The following DST variants were observed in gnomAD, a reference collection of about 807,000 sequenced individuals.
DST encodes bullous pemphigoid antigen.
In DST, 253 loss-of-function variants were observed where a neutral mutation model predicts 875.2. That is an observed-to-expected ratio of 0.29 (90% CI 0.26 to 0.32). The LOEUF is 0.32. Ranked by LOEUF, DST falls within the 10% of genes least tolerant of loss-of-function variation. The pLI, the probability that DST is intolerant of heterozygous loss-of-function variation, is 1.00. For missense variants in DST, 8,287 were observed against 9,111.6 expected (o/e 0.91, Z 3.68); for synonymous variants, 3,124 against 3,197.1 (o/e 0.98, Z 0.77).
At chr6:56,922,963 C>T (rs1448906683) in intron 2 of DST, among the ~76,000 whole-genome samples, 1 of 151,954 alleles carries the variant, frequency 6.6e-6, no homozygotes, top group South Asian at 2.1e-4. Flanking sequence ...ATGTAAAGAT[C>T]CTAGCACAAT....
chr6:56,657,810 C>A (rs2099017621), intron 10 of DST, among the ~76,000 whole-genome samples: 2 of 152,080 alleles, frequency 1.3e-5, no homozygotes, highest in Admixed American at 6.5e-5. Flanking sequence ...CTGTCATCCA[C>A]CCTGGAGTGC....
chr6:56,564,795 T>C (rs1469233823), intron 55 of DST, among the ~76,000 whole-genome samples: 1 of 152,244 alleles, frequency 6.6e-6, no homozygotes, highest in Non-Finnish European at 1.5e-5. Context: ...TTGAATGTTA[T>C]CGAAGGCCTT....
chr6:56,780,497 T>C (rs2099690948), intron 4 of DST, among the ~76,000 whole-genome samples: 1 of 151,426 alleles, frequency 6.6e-6, no homozygotes, highest in South Asian at 2.1e-4. Flanking sequence ...CATTTTTTCA[T>C]GTGTCTTTTG....
intron 5 of DST, among the ~76,000 whole-genome samples, chr6:56,723,370 G>A (rs2152916027): frequency 6.6e-6 from 1 of 152,276 alleles, no homozygotes; most frequent in Non-Finnish European, 1.5e-5. Flanking sequence ...TTCGAGACCA[G>A]CCTGAACAAC....
At chr6:56,835,147 TAG>T (rs1343154426) in intron 4 of DST, among the ~76,000 whole-genome samples, 1 of 152,106 alleles carries the variant, frequency 6.6e-6, no homozygotes, top group Non-Finnish European at 1.5e-5. Context: ...ACATAAAATA[TAG>T]AGAGAGCAAA....
At chr6:56,627,455 A>G (rs945768294) in intron 33 of DST, among the ~76,000 whole-genome samples, 168 bp from the exon 34 acceptor site, 5 of 152,200 alleles carry the variant, frequency 3.3e-5, no homozygotes, top group Non-Finnish European at 5.9e-5. Flanking sequence ...CTTTCAGATT[A>G]AGCCACAGAA....
intron 2 of DST, among the ~76,000 whole-genome samples, chr6:56,951,769 G>T (rs367913194): frequency 2.6e-5 from 4 of 152,022 alleles, no homozygotes; most frequent in Admixed American, 6.5e-5. Flanking sequence ...AATTCAAACC[G>T]AATCCATTTT....
rs1354429544 is a variant in DST, at chr6:56,803,419, T to C, written c.625+47978A>G. Among the ~76,000 whole-genome samples the C allele has an allele frequency of 2.6e-5, 4 of 152,168 alleles. No homozygotes were observed. In the East Asian group the frequency reaches 7.7e-4, roughly 29 times the overall value. On this transcript the variant is annotated intron_variant, in intron 4 of 103. Coordinates refer to ENST00000680361, the MANE Select transcript of DST (RefSeq NM_001374736.1). ...TTAAATACACCTTCAGTTTCTTAAA[T>C]GTTAAGGAGACTGCAAAATATGAAA...
intron 36 of DST, chr6:56,624,279 A>G (rs937424125): frequency 1.6e-6 from 1 of 614,486 alleles, no homozygotes; most frequent in Non-Finnish European, 2.9e-6. Context: ...CCACCATATT[A>G]GAGTCCTGAA....
chr6:56,770,105 T>G (rs941220982), intron 4 of DST, among the ~76,000 whole-genome samples: 5 of 152,208 alleles, frequency 3.3e-5, no homozygotes, highest in African/African-American at 1.2e-4. Flanking sequence ...AGAGCATCCA[T>G]TCTGGTGTTA....
At chr6:56,923,952 T>C (rs1805627592) in intron 2 of DST, among the ~76,000 whole-genome samples, 2 of 152,124 alleles carry the variant, frequency 1.3e-5, no homozygotes, top group African/African-American at 4.8e-5. Flanking sequence ...GGCAAAATCC[T>C]ATCTCTACTA....
At chr6:56,637,111 A>AC (rs749635526) in intron 22 of DST, among the ~76,000 whole-genome samples, 10 of 151,884 alleles carry the variant, frequency 6.6e-5, no homozygotes, top group Non-Finnish European at 1.0e-4. Context: ...AAACAAACAA[A>AC]AAAAAAACAA....
intron 102 of DST, among the ~76,000 whole-genome samples, chr6:56,462,369 C>T (rs1181910375): frequency 1.3e-5 from 2 of 151,672 alleles, no homozygotes; most frequent in East Asian, 1.9e-4. Flanking sequence ...TATATCATGC[C>T]GTATTAAAAA....
At chr6:56,677,208 G>A (rs1293504715) in intron 9 of DST, among the ~76,000 whole-genome samples, 2 of 152,114 alleles carry the variant, frequency 1.3e-5, no homozygotes, top group African/African-American at 4.8e-5. Flanking sequence ...CATATCAAGT[G>A]CTTATCACAG....
intron 49 of DST, among the ~76,000 whole-genome samples, chr6:56,591,798 C>T (rs1362613444): frequency 1.3e-5 from 2 of 151,798 alleles, no homozygotes; most frequent in African/African-American, 2.4e-5. Flanking sequence ...CATGGCGAAA[C>T]CCCGTCTCTA....
chr6:56,555,469 T>C lies in DST; in HGVS notation c.15012A>G (p.Ile5004Met), dbSNP rs997467403. Reference sequence around the variant, plus strand: ...CCTCACAGAGTGCCTGGGCCACTTTTATCTGCTTCTTTTCCTGCTGTATCT... The same window carrying C: ...CCTCACAGAGTGCCTGGGCCACTTTCATCTGCTTCTTTTCCTGCTGTATCT... ...KQEIQQEKKQ[I>M]KVAQALCEDL... is the part of the protein sequence containing the mutation. Residue 5004 changes from isoleucine (I) to methionine (M), a missense_variant, in exon 60 of 104, where the codon ATA (isoleucine) becomes ATG (methionine). By Grantham distance (10) the Ile-to-Met change is conservative. Transcript: ENST00000680361. 2 of 1,613,946 alleles carry C rather than the reference T, an allele frequency of 1.2e-6. No individual in the cohort carries two copies. The highest frequency in any genetic ancestry group is 1.7e-5 in the Admixed American group (1 of 60,002).
At chr6:56,940,383 A>G (rs879537538) in intron 2 of DST, among the ~76,000 whole-genome samples, 2 of 152,160 alleles carry the variant, frequency 1.3e-5, no homozygotes, top group Non-Finnish European at 2.9e-5. Context: ...GCAATTCTCA[A>G]AATGTGGTCC....
chr6:56,471,616 C>A (rs2094897405), intron 94 of DST, among the ~76,000 whole-genome samples: 1 of 152,194 alleles, frequency 6.6e-6, no homozygotes, highest in African/African-American at 2.4e-5. Flanking sequence ...CAATCTCTCT[C>A]CCTCTGCACT....
intron 4 of DST, among the ~76,000 whole-genome samples, chr6:56,755,008 A>C (rs532113455): frequency 7.6e-4 from 115 of 152,156 alleles, no homozygotes; most frequent in African/African-American, 2.6e-3. Context: ...AGTAATGTCT[A>C]TTTTTTTCAG....
Sources: gnomAD v4.1 joint callset for allele counts (sites outside exome capture counted in the v4.1 genomes callset) on GRCh38, gnomAD v4.1.1 for gene constraint, MANE v1.5 for transcripts, NCBI Gene and HGNC (gene_info 2026-07-23, HGNC 2026-07-21) for gene names.